The following STRN variants were observed in gnomAD, a reference collection of about 807,000 sequenced individuals.
The protein encoded by STRN is striatin, also known as protein phosphatase 2 regulatory subunit B'''alpha.
STRN carries 53 observed loss-of-function variants against 96.3 expected under a neutral mutation model. The ratio of observed to expected loss-of-function variants is 0.55; its 90% CI spans 0.44 to 0.69. The LOEUF is 0.69. STRN is among the 30% of genes least tolerant of loss of function. The probability of loss-of-function intolerance (pLI) is 0.00; values close to 1 mark genes in which losing one functional copy is unlikely to be tolerated. For synonymous variants in STRN, 428 were observed against 355.9 expected, an observed-to-expected ratio of 1.20 and a Z score of -2.28; for missense variants, 987 against 963.9, an observed-to-expected ratio of 1.02 and a Z score of -0.32.
rs551297044 is a variant in STRN at position 36,847,305 on chromosome 2, G to C, written c.*2151C>G. The C allele has an allele frequency of 7.2e-5, 11 of 152,242 alleles. No individual in the cohort carries two copies. Among genetic ancestry groups the C allele is most frequent in the Admixed American group, 5.2e-4 (8 of 15,272 alleles). 9.4% of individuals were successfully genotyped at this position (152,242 alleles called of 1,614,324 possible). A position where few individuals can be genotyped will look rare whatever the true frequency, so the allele number is the denominator to read the frequency against. ...TGACATTAATAAAGCAGTAACTGAA[G>C]ATCTTAGAAGGTAATTAATAACTGG... On this transcript the variant is annotated 3_prime_UTR_variant, in exon 18 of 18. Transcript: ENST00000263918.
At chr2:36,899,110 A>G (rs1314688366) in intron 6 of STRN, among the ~76,000 whole-genome samples, 2 of 152,200 alleles carry the variant, frequency 1.3e-5, no homozygotes, top group Non-Finnish European at 2.9e-5. Context: ...AGAGTTCTGA[A>G]AGTTTGCCTA....
chr2:36,853,123 C>T (rs1357955680), intron 15 of STRN, among the ~76,000 whole-genome samples: 1 of 151,692 alleles, frequency 6.6e-6, no homozygotes, highest in Non-Finnish European at 1.5e-5. Flanking sequence ...CACCACTGCA[C>T]TCCAGCCTGG....
chr2:36,860,642 T>C lies in STRN; in HGVS notation c.1669+490A>G, dbSNP rs923217699. On this transcript the variant is annotated intron_variant, in intron 13 of 17. Coordinates refer to ENST00000263918, the MANE Select transcript of STRN (RefSeq NM_003162.4). Reference sequence around the variant, plus strand: ...ATATGATTTATGATGTATGGTATTGTTCCCAAAACTAAAGGGTACTTCTTA... The same window carrying C: ...ATATGATTTATGATGTATGGTATTGCTCCCAAAACTAAAGGGTACTTCTTA... 2.6e-5 allele frequency among the ~76,000 whole-genome samples: 4 copies of C among 152,332 alleles called. No individual in the cohort carries two copies. The East Asian group carries it at 7.7e-4, about 29-fold the overall frequency.
chr2:36,910,407 G>A (rs2148211476), intron 3 of STRN, among the ~76,000 whole-genome samples: 1 of 152,140 alleles, frequency 6.6e-6, no homozygotes, highest in East Asian at 1.9e-4. Context: ...TGGAGTGTGT[G>A]GTTTATCACA....
chr2:36,887,310 T>G (rs1669264260), intron 7 of STRN, among the ~76,000 whole-genome samples: 1 of 148,474 alleles, frequency 6.7e-6, no homozygotes, highest in African/African-American at 2.4e-5. Flanking sequence ...AATAAATAAA[T>G]AAATACAAAA....
At chr2:36,911,159 CAT>C (rs1278519248) in intron 3 of STRN, among the ~76,000 whole-genome samples, 2 of 152,188 alleles carry the variant, frequency 1.3e-5, no homozygotes, top group Non-Finnish European at 2.9e-5. Context: ...ATCTGGCTCA[CAT>C]GTTTCTGCCA....
intron 6 of STRN, among the ~76,000 whole-genome samples, chr2:36,898,678 A>G (rs1223898069): frequency 2.0e-5 from 3 of 152,238 alleles, no homozygotes; most frequent in African/African-American, 7.2e-5. Flanking sequence ...AAGCATTAAG[A>G]AACACAAATA....
At chr2:36,917,681 G>A (rs998144569) in intron 2 of STRN, among the ~76,000 whole-genome samples, 1 of 151,946 alleles carries the variant, frequency 6.6e-6, no homozygotes, top group African/African-American at 2.4e-5. Context: ...TAGACAGAGA[G>A]GAATTCTAAG....
chr2:36,908,964 G>C (rs147223629), intron 3 of STRN, among the ~76,000 whole-genome samples: 2 of 149,936 alleles, frequency 1.3e-5, no homozygotes, highest in Non-Finnish European at 3.0e-5. Flanking sequence ...CTGGGCGACA[G>C]AGCAAGCCTC....
chr2:36,886,852 A>T, intron 7 of STRN, 26 bp from the exon 8 acceptor site: 1 of 1,577,284 alleles, frequency 6.3e-7, no homozygotes, highest in South Asian at 1.1e-5. Flanking sequence ...CAAATGAAAC[A>T]GCCTTTTTCA....
rs567883521 is a variant in STRN, at chr2:36,933,604, T to C, written c.235-8396A>G. Among the ~76,000 whole-genome samples, 104 of 152,328 alleles carry C rather than the reference T, an allele frequency of 6.8e-4. 1 individual carries two copies. The highest frequency in any genetic ancestry group is 4.1e-3 in the South Asian group (20 of 4,826). On this transcript the variant is annotated intron_variant, in intron 1 of 17. Coordinates refer to ENST00000263918, the MANE Select transcript of STRN (RefSeq NM_003162.4). ...AATGTAGGGGCTAAATGCATGAGTC[T>C]AGCCTAACACCAAGCATTTGTTTTT...
intron 9 of STRN, among the ~76,000 whole-genome samples, chr2:36,883,053 T>C (rs1669116032): frequency 6.6e-6 from 1 of 152,172 alleles, no homozygotes; most frequent in African/African-American, 2.4e-5. Flanking sequence ...AAAATTATCA[T>C]TATGAAAATC....
chr2:36,848,884 G>A lies in STRN; in HGVS notation c.*572C>T, dbSNP rs1668147343. On this transcript the variant is annotated 3_prime_UTR_variant, in exon 18 of 18. Transcript: ENST00000263918. Reference sequence around the variant, plus strand: ...TATTGCATTTTTCTCCCCCTAACAGGTAAAATGCTTTGCCAGGTGCTTTAT... The same window carrying A: ...TATTGCATTTTTCTCCCCCTAACAGATAAAATGCTTTGCCAGGTGCTTTAT... 1 of 152,610 alleles carries A rather than the reference G, an allele frequency of 6.6e-6. No homozygotes were observed. The highest frequency in any genetic ancestry group is 2.1e-4 in the South Asian group (1 of 4,826). The allele number at this position is 152,610 out of a possible 1,614,324, so 9.5% of individuals were successfully genotyped here.
chr2:36,920,845 G>A (rs1228743612), intron 2 of STRN, among the ~76,000 whole-genome samples: 2 of 152,006 alleles, frequency 1.3e-5, no homozygotes, highest in Non-Finnish European at 2.9e-5. Context: ...CGGAGGCCAA[G>A]GCGGGCGGAT....
chr2:36,960,047 T>C (rs1045848349), intron 1 of STRN, among the ~76,000 whole-genome samples: 6 of 152,158 alleles, frequency 3.9e-5, no homozygotes, highest in Admixed American at 1.3e-4. Context: ...TTATCAAGAA[T>C]ATGAGTAGAA....
At position 36,884,049 on chromosome 2, in the gene STRN, T is replaced by C. The variant is rs777742166; in HGVS notation, c.1069A>G (p.Met357Val). The part of the protein sequence containing the change: ...KRPNRSKLQD[M>V]LANLRDVDEL... ...TCAACATCTCTCAAATTAGCAAGCA[T>C]ATCTTGTAGTTTTGACCTATTGGGC... The change falls in exon 9 of 18, where the codon ATG becomes GTG. Residue 357 changes from methionine (M) to valine (V), a missense_variant. Transcript: ENST00000263918. 2.1e-6 allele frequency: 3 copies of C among 1,398,320 alleles called. No individual in the cohort carries two copies. The African/African-American group carries it at 4.4e-5, about 21-fold the overall frequency. 86.6% of individuals were successfully genotyped at this position (1,398,320 alleles called of 1,614,324 possible).
At chr2:36,942,704 C>CT (rs111477681) in intron 1 of STRN, among the ~76,000 whole-genome samples, 1,827 of 151,110 alleles carry the variant, frequency 0.012, 30 homozygotes, top group African/African-American at 0.039. Context: ...ATCAATTTTT[C>CT]TTTTTTTTTG....
chr2:36,889,168 TAGAA>T (rs1669321227), intron 7 of STRN, among the ~76,000 whole-genome samples: 1 of 152,122 alleles, frequency 6.6e-6, no homozygotes, highest in African/African-American at 2.4e-5. Flanking sequence ...ACCCAGCAAA[TAGAA>T]AGCACTTGAT....
At chr2:36,931,448 T>G (rs1469313149) in intron 1 of STRN, among the ~76,000 whole-genome samples, 1 of 152,220 alleles carries the variant, frequency 6.6e-6, no homozygotes, top group Non-Finnish European at 1.5e-5. Flanking sequence ...ACAAGCTGTG[T>G]TATGTTCACA....
Sources: allele counts gnomAD v4.1 joint callset (sites outside exome capture counted in the v4.1 genomes callset), GRCh38; gene constraint gnomAD v4.1.1; transcripts MANE v1.5; gene names NCBI Gene and HGNC (gene_info 2026-07-23, HGNC 2026-07-21).